Variants in POLR2F observed in about 807,000 individuals in gnomAD.
POLR2F encodes RNA polymerase II, I and III subunit F, also known as DNA-directed RNA polymerases I, II, and III subunit RPABC2.
In POLR2F, 12 loss-of-function variants were observed where a neutral mutation model predicts 22.7. That is an observed-to-expected ratio of 0.53 (90% CI 0.34 to 0.86). The LOEUF is 0.86. POLR2F is among the 40% of genes least tolerant of loss of function. POLR2F has a pLI of 0.02. For synonymous variants in POLR2F, 57 were observed against 66.0 expected (o/e 0.86, Z 0.66); for missense variants, 126 against 171.5 (o/e 0.73, Z 1.48).
At chr22:37,983,822 TCCCCCGGGCCAGCCG>T (rs1569171451), upstream of POLR2F, 1 of 1,381,744 alleles carries the variant, frequency 7.2e-7, no homozygotes, top group Admixed American at 3.1e-5. The surrounding 1 kb of genome is among the most constrained non-coding windows in gnomAD (Gnocchi z 9.5). Flanking sequence ...CTCGGCCGCC[TCCCCCGGGCCAGCCG>T]CCGGGGTCCT....
At chr22:37,966,184 G>A (rs772293627) in intron 3 of POLR2F, among the ~76,000 whole-genome samples, 1 of 152,210 alleles carries the variant, frequency 6.6e-6, no homozygotes, top group African/African-American at 2.4e-5. Flanking sequence ...TGAACCTCTC[G>A]CAGGTTTTTA....
In POLR2F at chr22:37,968,833, T is replaced by C; in HGVS notation, c.*1118T>C. 2 of 985,396 alleles carry C rather than the reference T, an allele frequency of 2.0e-6. No homozygotes were observed. The highest frequency in any genetic ancestry group is 4.7e-5 in the South Asian group (1 of 21,282). The allele number at this position is 985,396 out of a possible 1,614,324, so 61.0% of individuals were successfully genotyped here. A position where few individuals can be genotyped will look rare whatever the true frequency, so the allele number is the denominator to read the frequency against. The stretch of plus-strand genomic sequence containing the variant: ...GGTGCAGCCTGGCCCTGGGATGGGA[T>C]GTGGGGAGTGAATGGTGAGGATCTG... On this transcript the variant is annotated 3_prime_UTR_variant, in exon 5 of 5. Coordinates refer to ENST00000442738, the MANE Select transcript of POLR2F (RefSeq NM_021974.5).
At chr22:38,028,296 G>A (rs2085033005), downstream of POLR2F, among the ~76,000 whole-genome samples, 2 of 152,100 alleles carry the variant, frequency 1.3e-5, no homozygotes, top group South Asian at 2.1e-4. Flanking sequence ...CCTGCTGCAC[G>A]GCGATGCTTT....
At chr22:38,010,282 G>C (rs775232736) in intron 1 of POLR2F, among the ~76,000 whole-genome samples, 2 of 152,042 alleles carry the variant, frequency 1.3e-5, no homozygotes. Context: ...GGCTGAGGTG[G>C]GAGGATTGAT....
upstream of POLR2F, chr22:37,983,594 T>A (rs372400283): frequency 6.2e-5 from 99 of 1,608,940 alleles, no homozygotes; most frequent in Middle Eastern, 1.7e-4. This position sits in a 1 kb window ranked among gnomAD's most constrained non-coding sequence, Gnocchi z 9.5. Context: ...CTTGTCATCG[T>A]CCGCCTCGCC....
upstream of POLR2F, among the ~76,000 whole-genome samples, chr22:37,982,538 G>T (rs1932432034): frequency 6.6e-6 from 1 of 152,150 alleles, no homozygotes. Context: ...CTGGGACTCT[G>T]AGGGCCCCTG....
At chr22:37,977,406 C>T (rs748807459) in intron 4 of POLR2F, among the ~76,000 whole-genome samples, 2 of 151,656 alleles carry the variant, frequency 1.3e-5, no homozygotes, top group Non-Finnish European at 1.5e-5. Context: ...CTGCAAGCTC[C>T]GCCTCCTGGG....
chr22:38,025,591 G>A (rs1272065884), intron 1 of POLR2F: 2 of 1,511,714 alleles, frequency 1.3e-6, no homozygotes, highest in South Asian at 1.4e-5. Context: ...TTCTCTGGGG[G>A]CTGGAATACA....
intron 1 of POLR2F, chr22:37,988,330 C>CAAAAAAAAAAAAAAAAAAAA (rs990207951): frequency 1.8e-5 from 1 of 55,114 alleles, no homozygotes; most frequent in Non-Finnish European, 3.7e-5. Context: ...AACTCTGTCT[C>CAAAAAAAAAAAAAAAAAAAA]AAAAAAAAAA....
At chr22:37,966,950 G>A in intron 3 of POLR2F, 149 bp from the exon 4 acceptor site, 2 of 591,376 alleles carry the variant, frequency 3.4e-6, no homozygotes, top group South Asian at 4.3e-5. Flanking sequence ...ATCTCTGGCA[G>A]TGCCCCTACA....
intron 1 of POLR2F, among the ~76,000 whole-genome samples, chr22:37,998,935 C>G (rs1161240083): frequency 1.3e-5 from 2 of 152,152 alleles, no homozygotes; most frequent in South Asian, 2.1e-4. Flanking sequence ...GGAGCCCGCC[C>G]TGGTAGGAGG....
chr22:37,983,839 C>T (rs1932487662), upstream of POLR2F: 19 of 1,332,758 alleles, frequency 1.4e-5, no homozygotes, highest in Non-Finnish European at 1.6e-5. This position sits in a 1 kb window ranked among gnomAD's most constrained non-coding sequence, Gnocchi z 9.5. Flanking sequence ...GGCCAGCCGC[C>T]GGGGTCCTCG....
At chr22:37,990,407 C>G (rs999913641) in intron 1 of POLR2F, among the ~76,000 whole-genome samples, 7 of 152,268 alleles carry the variant, frequency 4.6e-5, no homozygotes, top group African/African-American at 7.2e-5. Flanking sequence ...CTGGCCTCTG[C>G]TCTCTTCTGA....
chr22:38,027,106 G>A (rs1410840897), downstream of POLR2F, among the ~76,000 whole-genome samples: 1 of 152,148 alleles, frequency 6.6e-6, no homozygotes, highest in Non-Finnish European at 1.5e-5. Flanking sequence ...GTCGTGGAGT[G>A]CGAGATGGCA....
At chr22:38,039,762 C>T (rs530938297) in intron 5 of POLR2F, among the ~76,000 whole-genome samples, 1 of 152,326 alleles carries the variant, frequency 6.6e-6, no homozygotes, top group South Asian at 2.1e-4. Context: ...CGGAACTGGA[C>T]GGGGTGGCGG....
chr22:37,974,426 C>T lies in POLR2F; in HGVS notation c.293+7256C>T, dbSNP rs1201506940. Among the ~76,000 whole-genome samples the T allele has an allele frequency of 7.3e-5, 11 of 151,126 alleles. No individual in the cohort carries two copies. The highest frequency in any genetic ancestry group is 7.2e-4 in the Admixed American group (11 of 15,202). ...GGAGTGCAGTGGCGCCATCTCGGCT[C>T]ACTGCAACCTCTGCCTCCTGGGTTC... On this transcript the variant is annotated intron_variant, in intron 4 of 4. Coordinates refer to the POLR2F transcript ENST00000405557. The surrounding 1 kb of genome is among the most constrained non-coding windows in gnomAD (Gnocchi z 5.4).
At position 37,978,020 on chromosome 22, in the gene POLR2F, TCCCG is replaced by T; in HGVS notation, c.293+10851_293+10854del. ...CACTCCGCCTCGCCCTGGGCGGCCT[TCCCG>T]TTCTTCCGCCGCCTGGGCTGGTACT... On this transcript the variant is annotated intron_variant, in intron 4 of 4. Transcript: ENST00000405557. The surrounding 1 kb of genome is among the most constrained non-coding windows in gnomAD (Gnocchi z 5.0). 6.2e-7 allele frequency: 1 copy of T among 1,611,618 alleles called. No homozygotes were observed. Among genetic ancestry groups the T allele is most frequent in the Middle Eastern group, 1.7e-4 (1 of 6,052 alleles).
chr22:37,972,632 C>T (rs990501909), downstream of POLR2F: 2 of 172,464 alleles, frequency 1.2e-5, no homozygotes, highest in Non-Finnish European at 2.5e-5. Context: ...AGCTGTCACT[C>T]TCTGGGAAGC....
intron 1 of POLR2F, among the ~76,000 whole-genome samples, chr22:38,014,806 A>T (rs912096198): frequency 0.011 from 1,021 of 96,918 alleles, 9 homozygotes; most frequent in Admixed American, 0.016. Context: ...GTATTTTTGT[A>T]TTTTTTTTTT....
Sources: gnomAD v4.1 joint callset for allele counts (sites outside exome capture counted in the v4.1 genomes callset) on GRCh38, gnomAD v4.1.1 for gene constraint, Gnocchi (gnomAD v3.1) non-coding constraint, MANE v1.5 for transcripts, NCBI Gene and HGNC (gene_info 2026-07-23, HGNC 2026-07-21) for gene names.